TIMM23B: variants seen among roughly 807,000 people sequenced by gnomAD.
TIMM23B encodes the protein mitochondrial import inner membrane translocase subunit Tim23B.
In TIMM23B, 27 loss-of-function variants were observed where a neutral mutation model predicts 27.3. The ratio of observed to expected loss-of-function variants is 0.99; its 90% CI spans 0.73 to 1.36. TIMM23B has a LOEUF of 1.36. Ranked by LOEUF, TIMM23B falls within the 40% of genes most tolerant of loss-of-function variation. TIMM23B has a pLI of 0.00. For synonymous variants in TIMM23B, 73 were observed against 92.4 expected, an observed-to-expected ratio of 0.79 and a Z score of 1.21; for missense variants, 205 against 244.2, an observed-to-expected ratio of 0.84 and a Z score of 1.07.
At chr10:49,960,756 G>T (rs1839870019) in intron 6 of TIMM23B, among the ~76,000 whole-genome samples, 1 of 152,038 alleles carries the variant, frequency 6.6e-6, no homozygotes, top group African/African-American at 2.4e-5. Flanking sequence ...AGGGAAAGAA[G>T]TAATAAATAA....
At position 49,970,881 on chromosome 10, in the gene TIMM23B, A is replaced by G. The variant is rs868956882; in HGVS notation, c.515-2131A>G. Among the ~76,000 whole-genome samples, 584 of 152,290 alleles carry G rather than the reference A, an allele frequency of 3.8e-3. 2 individuals carry two copies. The highest frequency in any genetic ancestry group is 0.014 in the Middle Eastern group (4 of 294). ...ATGATGACGATGGCGGTTTTGTTGA[A>G]TAGAAAAGGGGGAAATGTGGGGAAA... On this transcript the variant is annotated intron_variant, in intron 6 of 6. Transcript: ENST00000651259.
chr10:49,949,227 A>G (rs1195660213), intron 2 of TIMM23B, among the ~76,000 whole-genome samples: 3 of 102,694 alleles, frequency 2.9e-5, no homozygotes. Context: ...TTTAAGAGTT[A>G]TGGTTGGAAC....
intron 6 of TIMM23B, among the ~76,000 whole-genome samples, chr10:49,966,878 T>A (rs1232930537): frequency 4.6e-5 from 7 of 152,336 alleles, no homozygotes; most frequent in African/African-American, 1.4e-4. Context: ...ATCTGACAGC[T>A]GCTAGTTTTT....
At chr10:49,962,029 T>A (rs1485684769) in intron 6 of TIMM23B, among the ~76,000 whole-genome samples, 8 of 150,966 alleles carry the variant, frequency 5.3e-5, no homozygotes, top group Non-Finnish European at 7.4e-5. Context: ...GAGGGTCTTA[T>A]GAAAGTTTTT....
At chr10:49,969,354 C>G (rs1840311077) in intron 6 of TIMM23B, among the ~76,000 whole-genome samples, 1 of 150,002 alleles carries the variant, frequency 6.7e-6, no homozygotes, top group Non-Finnish European at 1.5e-5. Context: ...GGAGAATCAC[C>G]TGAGCCCAGG....
chr10:49,963,925 A>G (rs1207548503), intron 6 of TIMM23B, among the ~76,000 whole-genome samples: 3 of 151,920 alleles, frequency 2.0e-5, no homozygotes, highest in Non-Finnish European at 2.9e-5. Flanking sequence ...GGATCGCGCC[A>G]CTGCACTCCA....
chr10:49,958,758 A>C lies in TIMM23B; in HGVS notation c.514+278A>C, dbSNP rs1490002662. 3.9e-5 allele frequency among the ~76,000 whole-genome samples: 6 copies of C among 152,304 alleles called. No individual in the cohort carries two copies. The East Asian group carries it at 7.7e-4, about 20-fold the overall frequency. On this transcript the variant is annotated intron_variant, in intron 6 of 6. Coordinates refer to ENST00000651259, the MANE Select transcript of TIMM23B (RefSeq NM_001290117.2). ...GCAAAACTGATACTCTGTACCTATT[A>C]AGCCTCCAATTTACCACTTCCTTAG...
intron 5 of TIMM23B, among the ~76,000 whole-genome samples, chr10:49,955,408 G>A (rs1186234386): frequency 2.6e-5 from 4 of 152,204 alleles, no homozygotes; most frequent in Non-Finnish European, 5.9e-5. Flanking sequence ...TCAAGGTCCT[G>A]TAGTGATACA....
chr10:49,954,599 T>C (rs1319645008), intron 4 of TIMM23B, among the ~76,000 whole-genome samples: 1 of 152,050 alleles, frequency 6.6e-6, no homozygotes, highest in African/African-American at 2.4e-5. Context: ...TAGCTCGCCA[T>C]AGTTAACAGT....
chr10:49,966,164 T>C (rs368265281), intron 6 of TIMM23B, among the ~76,000 whole-genome samples: 1 of 147,868 alleles, frequency 6.8e-6, no homozygotes, highest in South Asian at 2.2e-4. Flanking sequence ...GCTTGCGCGG[T>C]AGAGTGAGTC....
At chr10:49,971,738 T>C (rs2813139) in intron 6 of TIMM23B, among the ~76,000 whole-genome samples, 1,608 of 146,342 alleles carry the variant, frequency 0.011, 23 homozygotes, top group South Asian at 0.067. Flanking sequence ...AAGATTTTCA[T>C]GAGTCTCTTG....
Position 49,956,000 on chromosome 10 carries a change from A to G in TIMM23B, c.403+940A>G, listed in dbSNP as rs1329048404. Among the ~76,000 whole-genome samples the G allele has an allele frequency of 1.9e-3, 294 of 152,188 alleles. 2 individuals carry two copies. The highest frequency in any genetic ancestry group is 3.2e-3 in the Non-Finnish European group (220 of 68,008). ...CCTTGTCTGCCTAGGACTTTCAGAGAAAAGTCCAAGAAACTATGTTCCAAT... is the reference window on the plus strand; with the variant it reads ...CCTTGTCTGCCTAGGACTTTCAGAGGAAAGTCCAAGAAACTATGTTCCAAT... On this transcript the variant is annotated intron_variant, in intron 5 of 6. Coordinates refer to ENST00000651259, the MANE Select transcript of TIMM23B (RefSeq NM_001290117.2).
At chr10:49,964,799 T>A (rs190203954) in intron 6 of TIMM23B, among the ~76,000 whole-genome samples, 73 of 151,222 alleles carry the variant, frequency 4.8e-4, no homozygotes, top group African/African-American at 1.6e-3. Flanking sequence ...TGAAATGAAA[T>A]GAAGAAATAA....
chr10:49,966,065 A>AATGACATGAC (rs146709772), intron 6 of TIMM23B, among the ~76,000 whole-genome samples: 9,673 of 143,632 alleles, frequency 0.067, 683 homozygotes, highest in African/African-American at 0.16. Context: ...CTCGAAATGA[A>AATGACATGAC]ATGACATGAC....
intron 5 of TIMM23B, among the ~76,000 whole-genome samples, chr10:49,957,081 A>G (rs1269410817): frequency 9.3e-5 from 14 of 151,222 alleles, no homozygotes; most frequent in African/African-American, 3.4e-4. Flanking sequence ...ACTGAGCCCC[A>G]CTTTGGATAC....
intron 1 of TIMM23B, among the ~76,000 whole-genome samples, chr10:49,943,056 T>A (rs2133039427): frequency 6.6e-6 from 1 of 152,310 alleles, no homozygotes; most frequent in South Asian, 2.1e-4. Flanking sequence ...TTTTAGAGAA[T>A]CCTTGTAATA....
chr10:49,952,151 C>A lies in TIMM23B; in HGVS notation c.191C>A (p.Thr64Asn). Residue 64 changes from threonine (T) to asparagine (N), a missense_variant, in exon 3 of 7, where the codon ACC becomes AAC. Coordinates refer to ENST00000651259, the MANE Select transcript of TIMM23B (RefSeq NM_001290117.2). ...GATACAGATGAGTTCATTTTACCTA[C>A]CGGAGCTAATAAAACCTGGGGCAGA... The part of the protein sequence containing the change: ...VQDTDEFILP[T>N]GANKTWGRFE... The A allele has an allele frequency of 6.2e-7, 1 of 1,603,452 alleles. No individual in the cohort carries two copies. The highest frequency in any genetic ancestry group is 1.1e-5 in the South Asian group (1 of 90,872).
intron 1 of TIMM23B, 92 bp downstream of exon 1, chr10:49,942,392 T>C (rs1407997264): frequency 3.6e-5 from 55 of 1,547,078 alleles, no homozygotes; most frequent in Non-Finnish European, 4.7e-5. Flanking sequence ...GTTGGTTTTT[T>C]TTTCCTTGCT....
chr10:49,950,822 G>A (rs1282700117), intron 2 of TIMM23B, among the ~76,000 whole-genome samples: 3 of 152,204 alleles, frequency 2.0e-5, no homozygotes, highest in Non-Finnish European at 4.4e-5. Flanking sequence ...GATTACAGGC[G>A]GGAGGCACCG....
Sources: allele counts gnomAD v4.1 joint callset (sites outside exome capture counted in the v4.1 genomes callset), GRCh38; gene constraint gnomAD v4.1.1; transcripts MANE v1.5; gene names NCBI Gene and HGNC (gene_info 2026-07-23, HGNC 2026-07-21).